Variants in PLXNA2 observed in about 807,000 individuals in gnomAD.
The protein encoded by PLXNA2 is plexin A2, also known as plexin-A2.
Under a neutral mutation model 193.5 loss-of-function variants are expected in PLXNA2, and 91 were observed. The observed-to-expected ratio is 0.47, with a 90% CI of 0.40 to 0.56. The LOEUF (loss-of-function observed/expected upper bound fraction) is 0.56, where lower values mean the gene tolerates loss of function less well. Ranked by LOEUF, PLXNA2 falls within the 20% of genes least tolerant of loss-of-function variation. PLXNA2 has a pLI of 0.00. For missense variants in PLXNA2, 1,995 were observed against 2,503.2 expected (o/e 0.80, Z 4.33); for synonymous variants, 997 against 1,027.3 (o/e 0.97, Z 0.56).
chr1:208,143,512 A>C (rs1668516914), intron 3 of PLXNA2, among the ~76,000 whole-genome samples: 1 of 152,240 alleles, frequency 6.6e-6, no homozygotes, highest in South Asian at 2.1e-4. Flanking sequence ...AGGTCATACA[A>C]AAAGTTGGTG....
intron 2 of PLXNA2, among the ~76,000 whole-genome samples, chr1:208,211,194 A>T (rs956576463): frequency 2.0e-5 from 3 of 152,220 alleles, no homozygotes; most frequent in African/African-American, 7.2e-5. Context: ...ATGCATGCAA[A>T]AGATTTGTGT....
chr1:208,203,029 C>T (rs78226998), intron 3 of PLXNA2, among the ~76,000 whole-genome samples: 4,284 of 152,256 alleles, frequency 0.028, 216 homozygotes, highest in African/African-American at 0.097. Context: ...TGGACAGAGC[C>T]GACATCTCCT....
intron 4 of PLXNA2, among the ~76,000 whole-genome samples, chr1:208,116,238 T>C (rs1366004771): frequency 1.3e-5 from 2 of 152,248 alleles, no homozygotes; most frequent in South Asian, 4.1e-4. Flanking sequence ...AGAATCTGAC[T>C]GCCTGCCCAA....
intron 4 of PLXNA2, among the ~76,000 whole-genome samples, chr1:208,138,579 A>G (rs946481645): frequency 2.6e-5 from 4 of 152,210 alleles, no homozygotes; most frequent in Non-Finnish European, 2.9e-5. Flanking sequence ...GGCCTCATAA[A>G]TCTCTCCTTA....
intron 3 of PLXNA2, among the ~76,000 whole-genome samples, chr1:208,175,908 C>G (rs573111382): frequency 9.2e-5 from 14 of 152,148 alleles, no homozygotes; most frequent in Admixed American, 9.2e-4. Context: ...GGGTTGGACA[C>G]GGGCCGGCTT....
At chr1:208,241,327 T>G (rs1258791653) in intron 1 of PLXNA2, among the ~76,000 whole-genome samples, 1 of 152,122 alleles carries the variant, frequency 6.6e-6, no homozygotes, top group Non-Finnish European at 1.5e-5. Context: ...AGTTGCAGGG[T>G]GAATGTTCCC....
rs576340159 is a variant in PLXNA2, at chr1:208,069,324, C to T, written c.2587-8487G>A. Among the ~76,000 whole-genome samples, 9 of 152,268 alleles carry T rather than the reference C, an allele frequency of 5.9e-5. No homozygotes were observed. In the East Asian group the frequency reaches 1.3e-3, roughly 23 times the overall value. On this transcript the variant is annotated intron_variant, in intron 12 of 31. Coordinates refer to ENST00000367033, the MANE Select transcript of PLXNA2 (RefSeq NM_025179.4). ...TGACAGCTGCACAGCCCAACTGAAC[C>T]CAGGAGAGCGCCAGGGCACCACAGC...
At chr1:208,050,711 C>G (rs1244893936) in intron 17 of PLXNA2, among the ~76,000 whole-genome samples, 1 of 152,074 alleles carries the variant, frequency 6.6e-6, no homozygotes, top group African/African-American at 2.4e-5. Context: ...CGCCTGTGGT[C>G]CTAGCTACTC....
chr1:208,045,031 C>T (rs199980589), intron 19 of PLXNA2, 36 bp downstream of exon 19: 46 of 1,612,694 alleles, frequency 2.9e-5, no homozygotes, highest in South Asian at 2.6e-4. Context: ...CACCACGAGG[C>T]GGGAAGGAGG....
chr1:208,243,450 G>T (rs1242945554), intron 1 of PLXNA2, among the ~76,000 whole-genome samples, 193 bp downstream of exon 1: 8 of 151,952 alleles, frequency 5.3e-5, no homozygotes, highest in Non-Finnish European at 1.0e-4. Context: ...CTGCGATCGC[G>T]CGCACGCCGC....
At chr1:208,073,217 T>C (rs574408280) in intron 12 of PLXNA2, among the ~76,000 whole-genome samples, 1 of 152,328 alleles carries the variant, frequency 6.6e-6, no homozygotes, top group South Asian at 2.1e-4. Flanking sequence ...GCTGGTCTGC[T>C]CATGTCCCTT....
chr1:208,222,000 G>A (rs1671352817), intron 1 of PLXNA2, among the ~76,000 whole-genome samples: 1 of 152,152 alleles, frequency 6.6e-6, no homozygotes, highest in Admixed American at 6.5e-5. Context: ...ACATATAAAA[G>A]CACTTAGAAC....
chr1:208,241,803 T>A (rs1227345362), intron 1 of PLXNA2, among the ~76,000 whole-genome samples: 1 of 151,808 alleles, frequency 6.6e-6, no homozygotes, highest in Non-Finnish European at 1.5e-5. Context: ...CTCCTTTAGG[T>A]AATGCTGGTT....
chr1:208,243,155 G>T lies in PLXNA2; in HGVS notation c.-81+488C>A, dbSNP rs1225905170. Among the ~76,000 whole-genome samples, 5 of 152,136 alleles carry T rather than the reference G, an allele frequency of 3.3e-5. No homozygotes were observed. In the East Asian group the frequency reaches 9.7e-4, roughly 29 times the overall value. ...CTGATCTCCAGTCCCCGATCGGAAGGGAGAGCCGGCGGCCACCAGGGACCC... is the reference window on the plus strand; with the variant it reads ...CTGATCTCCAGTCCCCGATCGGAAGTGAGAGCCGGCGGCCACCAGGGACCC... On this transcript the variant is annotated intron_variant, in intron 1 of 31. Coordinates refer to ENST00000367033, the MANE Select transcript of PLXNA2 (RefSeq NM_025179.4).
Position 208,210,288 on chromosome 1 carries a change from G to A in PLXNA2, c.1363C>T (p.Leu455=). The stretch of plus-strand genomic sequence containing the variant: ...AACTCATAGACTCTTACCTTTTTCA[G>A]CTTGCCACTCTTAGTCCCCACAAAA... ...VVFVGTKSGK[L]KKIRADGPPH... The change falls in exon 3 of 32, where the codon CTG becomes TTG. Residue 455 remains leucine (L), a synonymous_variant. Coordinates refer to ENST00000367033, the MANE Select transcript of PLXNA2 (RefSeq NM_025179.4). The A allele has an allele frequency of 6.2e-7, 1 of 1,613,794 alleles. No individual in the cohort carries two copies. Among genetic ancestry groups the A allele is most frequent in the Non-Finnish European group, 8.5e-7 (1 of 1,180,000 alleles).
At chr1:208,067,247 G>A (rs1471726198) in intron 12 of PLXNA2, among the ~76,000 whole-genome samples, 1 of 151,926 alleles carries the variant, frequency 6.6e-6, no homozygotes, top group African/African-American at 2.4e-5. Flanking sequence ...GGGAGGCTGA[G>A]GCAGGAGAAT....
intron 17 of PLXNA2, among the ~76,000 whole-genome samples, chr1:208,047,653 C>G (rs1003366165): frequency 6.6e-6 from 1 of 152,232 alleles, no homozygotes; most frequent in African/African-American, 2.4e-5. Flanking sequence ...TCAGACTGCT[C>G]AAGTACACAC....
chr1:208,036,304 A>T (rs1375475087), intron 26 of PLXNA2, among the ~76,000 whole-genome samples: 1 of 152,230 alleles, frequency 6.6e-6, no homozygotes, highest in Non-Finnish European at 1.5e-5. Flanking sequence ...CTAATGAAAG[A>T]TTCACAAGGT....
At chr1:208,136,943 C>G (rs1484427451) in intron 4 of PLXNA2, among the ~76,000 whole-genome samples, 1 of 152,206 alleles carries the variant, frequency 6.6e-6, no homozygotes. Flanking sequence ...TGCATTCTCT[C>G]AATCCTCACA....
Sources: gnomAD v4.1 joint callset for allele counts (sites outside exome capture counted in the v4.1 genomes callset) on GRCh38, gnomAD v4.1.1 for gene constraint, MANE v1.5 for transcripts, NCBI Gene and HGNC (gene_info 2026-07-23, HGNC 2026-07-21) for gene names.